The following PARP16 variants were observed in gnomAD, a reference collection of about 807,000 sequenced individuals.
PARP16 encodes protein mono-ADP-ribosyltransferase PARP16.
In PARP16, 31 loss-of-function variants were observed where a neutral mutation model predicts 35.0. That is an observed-to-expected ratio of 0.88 (90% CI 0.66 to 1.19). PARP16 has a LOEUF of 1.19. PARP16 is among the 50% of genes most tolerant of loss of function. The pLI is 0.00. For missense variants in PARP16, 424 were observed against 411.2 expected (o/e 1.03, Z -0.27); for synonymous variants, 162 against 169.5 (o/e 0.96, Z 0.34).
chr15:65,247,632 C>T (rs1228919987), intron 3 of PARP16, among the ~76,000 whole-genome samples: 3 of 151,952 alleles, frequency 2.0e-5, no homozygotes, highest in African/African-American at 7.3e-5. Context: ...AGGTCACTGC[C>T]CTCTCACCAC....
chr15:65,259,858 G>T (rs2089643164), intron 5 of PARP16, among the ~76,000 whole-genome samples: 1 of 152,176 alleles, frequency 6.6e-6, no homozygotes, highest in South Asian at 2.1e-4. Context: ...CTAGCTCAGG[G>T]TGTCTGCCCA....
At chr15:65,247,846 C>CTAGGCTGG (rs1257716775) in intron 3 of PARP16, among the ~76,000 whole-genome samples, 4 of 141,708 alleles carry the variant, frequency 2.8e-5, no homozygotes, top group African/African-American at 1.1e-4. Flanking sequence ...GCTTTGTTGC[C>CTAGGCTGG]TAGGCTGGAG....
Position 65,261,084 on chromosome 15 carries a change from T to G in PARP16, c.692-58A>C, listed in dbSNP as rs1023562372. 40 of 1,544,510 alleles carry G rather than the reference T, an allele frequency of 2.6e-5. No homozygotes were observed. The South Asian group carries it at 4.1e-4, about 16-fold the overall frequency. On this transcript the variant is annotated intron_variant, in intron 4 of 5. Transcript: ENST00000649807. ...GGGGAAACAGAACTAAGGAAGCACA[T>G]TATAAATAGAAATAAGTCAAGCCTC...
At chr15:65,237,203 G>A (rs1186514793) in intron 3 of PARP16, among the ~76,000 whole-genome samples, 1 of 151,988 alleles carries the variant, frequency 6.6e-6, no homozygotes, top group Non-Finnish European at 1.5e-5. Context: ...TGCAGCCTTG[G>A]CCCTATACCT....
chr15:65,248,643 G>A (rs1406221445), intron 2 of PARP16, among the ~76,000 whole-genome samples: 3 of 152,128 alleles, frequency 2.0e-5, no homozygotes, highest in Middle Eastern at 3.2e-3. Context: ...AAAGCTGCAG[G>A]CCCAAAACAG....
intron 3 of PARP16, among the ~76,000 whole-genome samples, chr15:65,240,345 T>TGTGTGTGTGTGTGTGTGTGTGGGGGGCTA (rs2089034095): frequency 6.8e-6 from 1 of 147,506 alleles, no homozygotes. Context: ...TGTGTGTGTG[T>TGTGTGTGTGTGTGTGTGTGTGGGGGGCTA]GTGTGTGTGT....
chr15:65,237,930 C>T (rs1162168071), intron 3 of PARP16, among the ~76,000 whole-genome samples: 1 of 152,238 alleles, frequency 6.6e-6, no homozygotes, highest in Non-Finnish European at 1.5e-5. Flanking sequence ...AGTTCTCATA[C>T]TACTTTTTTC....
intron 5 of PARP16, among the ~76,000 whole-genome samples, chr15:65,260,338 C>T (rs1486354286): frequency 6.6e-6 from 1 of 152,200 alleles, no homozygotes; most frequent in Non-Finnish European, 1.5e-5. Context: ...CACACTTACT[C>T]CCACACTGCA....
chr15:65,246,521 G>A (rs1356405389), intron 3 of PARP16, among the ~76,000 whole-genome samples: 1 of 152,234 alleles, frequency 6.6e-6, no homozygotes, highest in Non-Finnish European at 1.5e-5. Context: ...ACTGGGGCTG[G>A]TCAGGCAGGC....
At chr15:65,255,741 C>CAG (rs2089484199), downstream of PARP16, among the ~76,000 whole-genome samples, 1 of 36,528 alleles carries the variant, frequency 2.7e-5, no homozygotes. Flanking sequence ...GCAGAAAACT[C>CAG]AGAAAAAAAA....
At chr15:65,284,289 T>C (rs567858993) in intron 1 of PARP16, among the ~76,000 whole-genome samples, 1 of 151,838 alleles carries the variant, frequency 6.6e-6, no homozygotes, top group South Asian at 2.1e-4. Flanking sequence ...ACCTTGAAGA[T>C]AATTTTTGCA....
rs1443916992 is a variant in PARP16 at position 65,248,319 on chromosome 15, T to C, written c.203-91A>G. On this transcript the variant is annotated intron_variant and NMD_transcript_variant, in intron 2 of 3. Transcript: ENST00000559805. ...TCAAGAATGAGTGAATGAATGCTTC[T>C]GCACAAATAGGCATATGTGCTTTCA... 6.6e-6 allele frequency: 3 copies of C among 456,048 alleles called. No individual in the cohort carries two copies. In the Admixed American group the frequency reaches 7.0e-5, roughly 11 times the overall value. The allele number at this position is 456,048 out of a possible 1,614,324, so 28.3% of individuals were successfully genotyped here.
rs1395870323 is a variant in PARP16 at position 65,286,316 on chromosome 15, G to C, written c.111C>G (p.Asp37Glu). 9.4e-6 allele frequency: 15 copies of C among 1,604,036 alleles called. No homozygotes were observed. The highest frequency in any genetic ancestry group is 1.7e-4 in the Middle Eastern group (1 of 6,058). Reference protein sequence around the residue: ...FASALQSYKRDSVLRPFPASY... With the variant: ...FASALQSYKRESVLRPFPASY... ...ACGCGGGGAAGGGCCGCAGCACCGA[G>C]TCGCGCTTGTAGCTCTGCAGGGCCG... is the stretch of plus-strand genomic sequence containing the variant. The change falls in exon 1 of 6, where the codon GAC becomes GAG. Residue 37 changes from aspartate (D) to glutamate (E), a missense_variant. By Grantham distance (45) the Asp-to-Glu change is conservative. Coordinates refer to ENST00000649807, the MANE Select transcript of PARP16 (RefSeq NM_001316943.2).
At chr15:65,238,229 A>G (rs2088943573) in intron 3 of PARP16, among the ~76,000 whole-genome samples, 1 of 152,180 alleles carries the variant, frequency 6.6e-6, no homozygotes, top group African/African-American at 2.4e-5. Context: ...GTTTGCAGTG[A>G]GCTGAGATCA....
chr15:65,262,192 G>A (rs1424205844), intron 4 of PARP16, among the ~76,000 whole-genome samples: 1 of 150,220 alleles, frequency 6.7e-6, no homozygotes, highest in African/African-American at 2.5e-5. Flanking sequence ...AAATGTAGTG[G>A]CATGATGTTG....
intron 2 of PARP16, among the ~76,000 whole-genome samples, chr15:65,251,541 A>C (rs113941237): frequency 2.0e-5 from 3 of 152,342 alleles, no homozygotes; most frequent in African/African-American, 7.2e-5. Context: ...GAGACTTTGC[A>C]TGGCAGCCAG....
chr15:65,270,403 G>A (rs1365346290), intron 2 of PARP16, among the ~76,000 whole-genome samples: 1 of 152,148 alleles, frequency 6.6e-6, no homozygotes, highest in African/African-American at 2.4e-5. Context: ...AATGGGATTT[G>A]AACCCAGAGC....
At chr15:65,255,465 G>A (rs987780295), downstream of PARP16, among the ~76,000 whole-genome samples, 9 of 151,832 alleles carry the variant, frequency 5.9e-5, no homozygotes, top group Admixed American at 2.6e-4. Flanking sequence ...GCCCAGAAAG[G>A]CAAAAGTGCC....
At chr15:65,231,211 T>G (rs1381046725), downstream of PARP16, among the ~76,000 whole-genome samples, 1 of 152,100 alleles carries the variant, frequency 6.6e-6, no homozygotes, top group Non-Finnish European at 1.5e-5. Flanking sequence ...TGTGAACAGC[T>G]TATAACTGGG....
Sources: allele counts gnomAD v4.1 joint callset (sites outside exome capture counted in the v4.1 genomes callset), GRCh38; gene constraint gnomAD v4.1.1; transcripts MANE v1.5; gene names NCBI Gene and HGNC (gene_info 2026-07-23, HGNC 2026-07-21).